The following SLC44A5 variants were observed in gnomAD, a reference collection of about 807,000 sequenced individuals.
The protein encoded by SLC44A5 is solute carrier family 44 member 5, also known as choline transporter-like protein 5.
Under a neutral mutation model 101.8 loss-of-function variants are expected in SLC44A5, and 57 were observed. The observed-to-expected ratio is 0.56, with a 90% CI of 0.45 to 0.70. The LOEUF (loss-of-function observed/expected upper bound fraction) is 0.70, where lower values mean the gene tolerates loss of function less well. SLC44A5 is among the 30% of genes least tolerant of loss of function. The pLI, the probability that SLC44A5 is intolerant of heterozygous loss-of-function variation, is 0.00. For missense variants in SLC44A5, 737 were observed against 853.1 expected (o/e 0.86, Z 1.70); for synonymous variants, 281 against 290.9 (o/e 0.97, Z 0.35).
At chr1:75,281,610 GA>G (rs75713761) in intron 5 of SLC44A5, among the ~76,000 whole-genome samples, 4,733 of 125,248 alleles carry the variant, frequency 0.038, 130 homozygotes, top group Middle Eastern at 0.089. Context: ...CCTAAGAGGG[GA>G]AATTGTTTCC....
intron 2 of SLC44A5, among the ~76,000 whole-genome samples, chr1:75,474,504 A>G (rs1433790349): frequency 6.6e-6 from 1 of 152,208 alleles, no homozygotes; most frequent in Non-Finnish European, 1.5e-5. Context: ...GATAATCAAT[A>G]TAGTGGAGTT....
At chr1:75,309,039 T>C (rs1340598504) in intron 4 of SLC44A5, among the ~76,000 whole-genome samples, 1 of 152,174 alleles carries the variant, frequency 6.6e-6, no homozygotes, top group African/African-American at 2.4e-5. Context: ...ATTTATACCA[T>C]GGGCATAATT....
chr1:75,273,719 T>C (rs1651683344), intron 6 of SLC44A5, among the ~76,000 whole-genome samples: 1 of 152,142 alleles, frequency 6.6e-6, no homozygotes, highest in East Asian at 1.9e-4. Context: ...ACATCCCTGG[T>C]ATGAAACTCA....
At chr1:75,278,191 A>G (rs143783338) in intron 5 of SLC44A5, among the ~76,000 whole-genome samples, 1 of 152,242 alleles carries the variant, frequency 6.6e-6, no homozygotes, top group African/African-American at 2.4e-5. Flanking sequence ...CTTAATTTTT[A>G]TATTGGTTAC....
At chr1:75,232,703 A>C (rs76901923) in intron 12 of SLC44A5, among the ~76,000 whole-genome samples, 5,817 of 152,274 alleles carry the variant, frequency 0.038, 156 homozygotes, top group Non-Finnish European at 0.056. Context: ...GTACTGCTCT[A>C]AGAGCTTTAT....
the SLC44A5 span, among the ~76,000 whole-genome samples, chr1:75,709,256 A>T: frequency 6.6e-6 from 1 of 152,246 alleles, no homozygotes; most frequent in Non-Finnish European, 1.5e-5. Flanking sequence ...CCAGTTCAAC[A>T]TCAGATTAAG....
At chr1:75,440,064 T>C (rs554679728) in intron 2 of SLC44A5, among the ~76,000 whole-genome samples, 71 of 152,272 alleles carry the variant, frequency 4.7e-4, no homozygotes, top group Non-Finnish European at 7.8e-4. Flanking sequence ...ATTGTACATG[T>C]CTTTATTCAT....
chr1:75,306,211 C>A (rs796351758), intron 4 of SLC44A5, among the ~76,000 whole-genome samples: 2 of 152,264 alleles, frequency 1.3e-5, no homozygotes, highest in African/African-American at 2.4e-5. Flanking sequence ...TACCATCTGG[C>A]CTGCAAAACC....
intron 3 of SLC44A5, among the ~76,000 whole-genome samples, chr1:75,374,682 A>G (rs1364316566): frequency 6.6e-6 from 1 of 152,134 alleles, no homozygotes; most frequent in Non-Finnish European, 1.5e-5. Flanking sequence ...CCTGAATCAC[A>G]CCGGGAAGCA....
intron 4 of SLC44A5, among the ~76,000 whole-genome samples, chr1:75,308,763 G>A (rs1030454052): frequency 1.2e-4 from 18 of 152,178 alleles, no homozygotes; most frequent in African/African-American, 3.6e-4. Context: ...TAGAATCTAT[G>A]TAGACACAGA....
chr1:75,540,207 T>G (rs1021319417), intron 2 of SLC44A5, among the ~76,000 whole-genome samples: 7 of 152,234 alleles, frequency 4.6e-5, no homozygotes, highest in Non-Finnish European at 1.0e-4. Context: ...TCTCAGGCAC[T>G]GTGCCAATTT....
chr1:75,684,334 AT>A, the SLC44A5 span, among the ~76,000 whole-genome samples: 14 of 152,152 alleles, frequency 9.2e-5, no homozygotes, highest in Admixed American at 7.2e-4. Context: ...ATGTACTCAC[AT>A]TTCAAAGCCA....
intron 3 of SLC44A5, among the ~76,000 whole-genome samples, chr1:75,349,983 C>A (rs887371027): frequency 1.3e-5 from 2 of 151,942 alleles, no homozygotes; most frequent in African/African-American, 4.8e-5. Flanking sequence ...TAAACATAGA[C>A]CAGTCTGGGA....
At chr1:75,215,578 T>C (rs931185044) in intron 19 of SLC44A5, among the ~76,000 whole-genome samples, 176 bp downstream of exon 19, 2 of 152,108 alleles carry the variant, frequency 1.3e-5, no homozygotes, top group African/African-American at 4.8e-5. Context: ...ATAGTTCAGA[T>C]ACTATCTCAA....
At chr1:75,532,472 C>T (rs1351584705) in intron 2 of SLC44A5, among the ~76,000 whole-genome samples, 1 of 152,146 alleles carries the variant, frequency 6.6e-6, no homozygotes, top group African/African-American at 2.4e-5. Context: ...CAGATCATAA[C>T]ACAGTCATTA....
chr1:75,647,157 T>C, the SLC44A5 span, among the ~76,000 whole-genome samples: 1 of 152,170 alleles, frequency 6.6e-6, no homozygotes, highest in Non-Finnish European at 1.5e-5. Flanking sequence ...TGGGACTTGG[T>C]GCCCTGCATC....
chr1:75,445,787 T>C lies in SLC44A5; in HGVS notation c.14-49166A>G, dbSNP rs541019995. Among the ~76,000 whole-genome samples the C allele has an allele frequency of 3.4e-4, 52 of 152,234 alleles. 1 individual carries two copies. The South Asian group carries it at 9.8e-3, about 29-fold the overall frequency. ...TTTCTCTCCAACTGCCCATGTGGCA[T>C]CTATGCTTGGATAGCTAAAAAGCAC... On this transcript the variant is annotated intron_variant, in intron 2 of 23. Transcript: ENST00000370859.
At chr1:75,215,141 T>A (rs1348889660) in intron 19 of SLC44A5, among the ~76,000 whole-genome samples, 2 of 152,162 alleles carry the variant, frequency 1.3e-5, no homozygotes, top group Non-Finnish European at 2.9e-5. Flanking sequence ...TGTTTGAATC[T>A]CCATAACTAT....
chr1:75,698,956 A>C, the SLC44A5 span, among the ~76,000 whole-genome samples: 1 of 152,170 alleles, frequency 6.6e-6, no homozygotes, highest in Non-Finnish European at 1.5e-5. Context: ...TTAGAGAAAA[A>C]AGAATAAAAA....
Sources: allele counts gnomAD v4.1 joint callset (sites outside exome capture counted in the v4.1 genomes callset), GRCh38; gene constraint gnomAD v4.1.1; transcripts MANE v1.5; gene names NCBI Gene and HGNC (gene_info 2026-07-23, HGNC 2026-07-21).